The following ZNF578 variants were observed in gnomAD, a reference collection of about 807,000 sequenced individuals.
The protein encoded by ZNF578 is Putative chemokine-related protein B42.
A neutral mutation model predicts 8.3 loss-of-function variants in ZNF578; 8 were observed. The observed-to-expected ratio is 0.96, with a 90% CI of 0.56 to 1.74. The LOEUF is 1.74. Among genes scored for constraint, ZNF578 ranks in the 40% most tolerant of loss-of-function variants. The probability of loss-of-function intolerance (pLI) is 0.00; values close to 1 mark genes in which losing one functional copy is unlikely to be tolerated. For missense variants in ZNF578, 726 were observed against 707.5 expected, an observed-to-expected ratio of 1.03 and a Z score of -0.30; for synonymous variants, 206 against 232.2, an observed-to-expected ratio of 0.89 and a Z score of 1.03.
chr19:52,495,650 A>G (rs1355589485), intron 3 of ZNF578, among the ~76,000 whole-genome samples: 1 of 151,326 alleles, frequency 6.6e-6, no homozygotes, highest in Non-Finnish European at 1.5e-5. Flanking sequence ...GTGATGATGA[A>G]GTGATGACAC....
intron 3 of ZNF578, among the ~76,000 whole-genome samples, chr19:52,500,877 CTTT>C (rs10594903): frequency 0.18 from 21,062 of 117,318 alleles, 1,799 homozygotes; most frequent in Non-Finnish European, 0.24. Flanking sequence ...TTTTGTGTGA[CTTT>C]TTTTTTTTTT....
intron 2 of ZNF578, among the ~76,000 whole-genome samples, chr19:52,469,464 G>T (rs1599885460): frequency 6.6e-6 from 1 of 152,242 alleles, no homozygotes; most frequent in East Asian, 1.9e-4. Context: ...CCAGCCTAGA[G>T]GAACAAAATT....
chr19:52,483,119 A>G (rs1469968017), intron 2 of ZNF578, among the ~76,000 whole-genome samples: 3 of 152,034 alleles, frequency 2.0e-5, no homozygotes, highest in East Asian at 3.9e-4. Context: ...CTCCCTTTAT[A>G]TGAGCAGTAG....
At position 52,466,612 on chromosome 19, in the gene ZNF578, G is replaced by A. The variant is rs553716220; in HGVS notation, c.-122+9654G>A. On this transcript the variant is annotated intron_variant, in intron 2 of 5. Coordinates refer to ENST00000421239, the MANE Select transcript of ZNF578 (RefSeq NM_001099694.2). Reference sequence around the variant, plus strand: ...TACATTTCATTGTTCCATACATGCTGAAATGGACACAAACAAAAATGGCGA... The same window carrying A: ...TACATTTCATTGTTCCATACATGCTAAAATGGACACAAACAAAAATGGCGA... Among the ~76,000 whole-genome samples the A allele has an allele frequency of 1.6e-3, 236 of 152,250 alleles. 1 individual carries two copies. Among genetic ancestry groups the A allele is most frequent in the African/African-American group, 5.6e-3 (233 of 41,536 alleles).
At chr19:52,508,171 C>T (rs1437936425) in intron 5 of ZNF578, among the ~76,000 whole-genome samples, 1 of 151,840 alleles carries the variant, frequency 6.6e-6, no homozygotes, top group Non-Finnish European at 1.5e-5. Flanking sequence ...ATGGTGAAAC[C>T]CCATTGCTAC....
chr19:52,502,923 C>T (rs1242659806), intron 4 of ZNF578, among the ~76,000 whole-genome samples: 1 of 152,112 alleles, frequency 6.6e-6, no homozygotes, highest in African/African-American at 2.4e-5. Context: ...GATGGAGTCT[C>T]GCTCAGTCAC....
In ZNF578 at chr19:52,486,088, T is replaced by C. The variant is rs2059344503; in HGVS notation, c.-121-5236T>C. Reference sequence around the variant, plus strand: ...ATGTAAAACCCGATTGTATGTTCTATTCACTGAGATAGGAGAAAACGGCCT... The same window carrying C: ...ATGTAAAACCCGATTGTATGTTCTACTCACTGAGATAGGAGAAAACGGCCT... On this transcript the variant is annotated intron_variant, in intron 2 of 5. Coordinates refer to ENST00000421239, the MANE Select transcript of ZNF578 (RefSeq NM_001099694.2). Among the ~76,000 whole-genome samples the C allele has an allele frequency of 2.6e-5, 4 of 152,308 alleles. No individual in the cohort carries two copies. In the South Asian group the frequency reaches 8.3e-4, roughly 32 times the overall value.
intron 3 of ZNF578, among the ~76,000 whole-genome samples, chr19:52,496,044 G>T (rs2059384901): frequency 6.6e-6 from 1 of 151,892 alleles, no homozygotes; most frequent in Admixed American, 6.6e-5. Context: ...TTTTGAGATG[G>T]AGTCTCTCTC....
At chr19:52,491,112 A>G (rs1047062253) in intron 2 of ZNF578, among the ~76,000 whole-genome samples, 4 of 152,204 alleles carry the variant, frequency 2.6e-5, no homozygotes, top group Non-Finnish European at 5.9e-5. Flanking sequence ...TTGTCATGAC[A>G]TTGGATACAG....
intron 3 of ZNF578, among the ~76,000 whole-genome samples, chr19:52,500,508 G>C (rs2059403113): frequency 6.6e-6 from 1 of 151,032 alleles, no homozygotes; most frequent in Admixed American, 6.7e-5. Context: ...CTGGGTTCAA[G>C]TGATTCTCCT....
chr19:52,478,061 C>A (rs961953586), intron 2 of ZNF578, among the ~76,000 whole-genome samples: 1 of 152,208 alleles, frequency 6.6e-6, no homozygotes, highest in African/African-American at 2.4e-5. Flanking sequence ...AACAGCATAT[C>A]CTCTGTAGTG....
At chr19:52,495,094 G>C (rs1287151725) in intron 3 of ZNF578, among the ~76,000 whole-genome samples, 1 of 151,098 alleles carries the variant, frequency 6.6e-6, no homozygotes, top group Non-Finnish European at 1.5e-5. Context: ...GGTTCCTCCT[G>C]TCTTGGCCTT....
Position 52,510,576 on chromosome 19 carries a change from C to A in ZNF578, c.195C>A (p.Ile65=). The change falls in exon 6 of 6, where the codon ATC becomes ATA. Residue 65 remains isoleucine, a synonymous_variant. Transcript: ENST00000421239. ...ATTGGTGTTTATATTTTGTAGATATCTCTTCCAAACGCATGATGAAGGAGG... is the reference window on the plus strand; with the variant it reads ...ATTGGTGTTTATATTTTGTAGATATATCTTCCAAACGCATGATGAAGGAGG... The part of the protein sequence containing the change: ...ENYRNLEAVD[I]SSKRMMKEVL... 3 of 1,528,136 alleles carry A rather than the reference C, an allele frequency of 2.0e-6. No homozygotes were observed. The highest frequency in any genetic ancestry group is 2.6e-6 in the Non-Finnish European group (3 of 1,140,454). The allele number at this position is 1,528,136 out of a possible 1,614,324, so 94.7% of individuals were successfully genotyped here.
chr19:52,466,475 C>A (rs1396382686), intron 2 of ZNF578, among the ~76,000 whole-genome samples: 1 of 152,096 alleles, frequency 6.6e-6, no homozygotes, highest in Non-Finnish European at 1.5e-5. Flanking sequence ...TATACAGGCA[C>A]CCCGTAAGCC....
chr19:52,494,776 G>T (rs1385041547), intron 3 of ZNF578, among the ~76,000 whole-genome samples: 1 of 152,136 alleles, frequency 6.6e-6, no homozygotes, highest in Non-Finnish European at 1.5e-5. Flanking sequence ...GGGGTAGGAA[G>T]TGGGGCAGTG....
At chr19:52,475,502 G>A (rs546676735) in intron 2 of ZNF578, among the ~76,000 whole-genome samples, 151 of 152,018 alleles carry the variant, frequency 9.9e-4, no homozygotes, top group African/African-American at 3.4e-3. Flanking sequence ...GATTACAGGC[G>A]CCAGCCACCA....
At chr19:52,470,114 A>G (rs957386276) in intron 2 of ZNF578, among the ~76,000 whole-genome samples, 2 of 152,164 alleles carry the variant, frequency 1.3e-5, no homozygotes, top group African/African-American at 4.8e-5. Context: ...CATGGTGGCA[A>G]CATCTTCTTC....
At chr19:52,469,167 G>GTTT (rs3054902) in intron 2 of ZNF578, among the ~76,000 whole-genome samples, 104,656 of 130,314 alleles carry the variant, frequency 0.8, 42,836 homozygotes, top group Non-Finnish European at 0.87. Context: ...GTTTTTTTTT[G>GTTT]TTTTTTTTTT....
rs147291367 is a variant in ZNF578, at chr19:52,485,668, C to T, written c.-121-5656C>T. Among the ~76,000 whole-genome samples the T allele has an allele frequency of 4.6e-5, 7 of 152,320 alleles. No homozygotes were observed. The East Asian group carries it at 1.3e-3, about 29-fold the overall frequency. ...GAGATGCTGTTAATCTGTAACCATACCCCCAACCCTGTGCTCCCAGAAATG... is the reference window on the plus strand; with the variant it reads ...GAGATGCTGTTAATCTGTAACCATATCCCCAACCCTGTGCTCCCAGAAATG... On this transcript the variant is annotated intron_variant, in intron 2 of 5. Coordinates refer to ENST00000421239, the MANE Select transcript of ZNF578 (RefSeq NM_001099694.2).
Sources: gnomAD v4.1 joint callset for allele counts (sites outside exome capture counted in the v4.1 genomes callset) on GRCh38, gnomAD v4.1.1 for gene constraint, MANE v1.5 for transcripts, NCBI Gene and HGNC (gene_info 2026-07-23, HGNC 2026-07-21) for gene names.